The following HOXD11 variants were observed in gnomAD, a reference collection of about 807,000 sequenced individuals.
HOXD11 encodes the protein homeobox protein Hox-D11.
In HOXD11, 16 loss-of-function variants were observed where a neutral mutation model predicts 23.1. That is an observed-to-expected ratio of 0.69 (90% CI 0.47 to 1.05). The LOEUF is 1.05. HOXD11 is among the 50% of genes least tolerant of loss of function. HOXD11 has a pLI of 0.00. For synonymous variants in HOXD11, 262 were observed against 224.4 expected, an observed-to-expected ratio of 1.17 and a Z score of -1.50; for missense variants, 564 against 495.6, an observed-to-expected ratio of 1.14 and a Z score of -1.31.
Position 176,107,961 on chromosome 2 carries a change from A to C in HOXD11, c.606A>C (p.Pro202=), listed in dbSNP as rs2105387657. ...AGCCCCCGCCGCCACCCGCGCCGCC[A>C]CAGCCCGAGGGCGCAGCCGACAAGG... The part of the protein sequence containing the change: ...GPQPPPPPAP[P]QPEGAADKGD... The change falls in exon 1 of 2, where the codon CCA becomes CCC. Residue 202 remains proline, a synonymous_variant. Transcript: ENST00000249504. 1 of 1,401,174 alleles carries C rather than the reference A, an allele frequency of 7.1e-7. No individual in the cohort carries two copies. Among genetic ancestry groups the C allele is most frequent in the Non-Finnish European group, 9.2e-7 (1 of 1,082,790 alleles). The allele number at this position is 1,401,174 out of a possible 1,614,324, so 86.8% of individuals were successfully genotyped here.
chr2:176,112,947 T>G (rs948615671), downstream of HOXD11, among the ~76,000 whole-genome samples: 1 of 152,202 alleles, frequency 6.6e-6, no homozygotes, highest in African/African-American at 2.4e-5. Flanking sequence ...AGAGTGGCCT[T>G]GGATCCTAAG....
chr2:176,108,657 C>CTGTG (rs1264719551), intron 1 of HOXD11: 5 of 263,252 alleles, frequency 1.9e-5, no homozygotes, highest in Non-Finnish European at 2.7e-5. Flanking sequence ...CCGTGCCAGG[C>CTGTG]TCTGTGTGTG....
Position 176,108,020 on chromosome 2 carries a change from G to A in HOXD11, c.665G>A (p.Gly222Asp), listed in dbSNP as rs1188347969. Residue 222 changes from glycine (G) to aspartate (D), a missense_variant, in exon 1 of 2, where the codon GGC becomes GAC. Coordinates refer to ENST00000249504, the MANE Select transcript of HOXD11 (RefSeq NM_021192.3). ...AGGACCGGGGCTGGTGGCGGCGGGG[G>A]CAGTCCCTGCACCAAGGCGACCCCT... The part of the protein sequence containing the change: ...DPRTGAGGGG[G>D]SPCTKATPGS... The A allele has an allele frequency of 1.3e-6, 2 of 1,489,994 alleles. No individual in the cohort carries two copies. Among genetic ancestry groups the A allele is most frequent in the South Asian group, 1.3e-5 (1 of 79,010 alleles). 92.3% of individuals were successfully genotyped at this position (1,489,994 alleles called of 1,614,324 possible).
chr2:176,111,975 G>A (rs1404806878), downstream of HOXD11, among the ~76,000 whole-genome samples: 1 of 152,102 alleles, frequency 6.6e-6, no homozygotes, highest in Non-Finnish European at 1.5e-5. Context: ...ATGGGGGACT[G>A]GGAGAATCGT....
chr2:176,111,840 A>AAAAAAC (rs1689678746), downstream of HOXD11, among the ~76,000 whole-genome samples: 4 of 140,856 alleles, frequency 2.8e-5, no homozygotes, highest in African/African-American at 7.6e-5. Flanking sequence ...AAAAAAAAAA[A>AAAAAAC]AAAAAAAAAC....
In HOXD11 at chr2:176,109,416, C is replaced by A; in HGVS notation, c.*274C>A. ...CCAGTGTGCTGTCGTTCCCCCTCCCCCTCTCCGAGTCCTCGTGGGGACACG... is the reference window on the plus strand; with the variant it reads ...CCAGTGTGCTGTCGTTCCCCCTCCCACTCTCCGAGTCCTCGTGGGGACACG... On this transcript the variant is annotated 3_prime_UTR_variant, in exon 2 of 2. Coordinates refer to ENST00000249504, the MANE Select transcript of HOXD11 (RefSeq NM_021192.3). The A allele has an allele frequency of 2.5e-6, 1 of 399,696 alleles. No homozygotes were observed. Among genetic ancestry groups the A allele is most frequent in the South Asian group, 3.7e-5 (1 of 26,906 alleles). The allele number at this position is 399,696 out of a possible 1,614,324, so 24.8% of individuals were successfully genotyped here.
Position 176,108,703 on chromosome 2 carries a change from G to A in HOXD11, c.782-204G>A. Reference sequence around the variant, plus strand: ...TGTGTGTGTGTGTGTGTGTGTCCGGGCGTGAACACATGTCCACGCCCGCAC... The same window carrying A: ...TGTGTGTGTGTGTGTGTGTGTCCGGACGTGAACACATGTCCACGCCCGCAC... On this transcript the variant is annotated intron_variant, in intron 1 of 1. Coordinates refer to ENST00000249504, the MANE Select transcript of HOXD11 (RefSeq NM_021192.3). The A allele has an allele frequency of 3.1e-5, 18 of 578,046 alleles. No homozygotes were observed. The South Asian group carries it at 3.5e-4, about 11-fold the overall frequency. 35.8% of individuals were successfully genotyped at this position (578,046 alleles called of 1,614,324 possible). A position where few individuals can be genotyped will look rare whatever the true frequency, so the allele number is the denominator to read the frequency against.
chr2:176,107,685 GGCGGCGGCGGCT>G lies in HOXD11; in HGVS notation c.339_350del (p.Ala117_Ala120del). 2.0e-6 allele frequency: 2 copies of G among 995,842 alleles called. No individual in the cohort carries two copies. The highest frequency in any genetic ancestry group is 2.4e-6 in the Non-Finnish European group (2 of 839,546). The allele number at this position is 995,842 out of a possible 1,614,324, so 61.7% of individuals were successfully genotyped here. A position where few individuals can be genotyped will look rare whatever the true frequency, so the allele number is the denominator to read the frequency against. ...GCTACGCTCCCTACTACGCGGCGGC[GGCGGCGGCGGCT>G]GCGGCGGCCGCGGCGGCCGAGGAGG... is the stretch of plus-strand genomic sequence containing the variant. On this transcript the variant is annotated inframe_deletion, in exon 1 of 2. Transcript: ENST00000249504.
downstream of HOXD11, among the ~76,000 whole-genome samples, chr2:176,110,712 T>G (rs1689661465): frequency 6.6e-6 from 1 of 152,172 alleles, no homozygotes; most frequent in South Asian, 2.1e-4. Flanking sequence ...CACACATACA[T>G]GCTCACACAT....
chr2:176,107,563 C>G lies in HOXD11; in HGVS notation c.208C>G (p.Arg70Gly). The change falls in exon 1 of 2, where the codon CGC (arginine) becomes GGC (glycine). Residue 70 changes from arginine (R) to glycine (G), a missense_variant. Coordinates refer to ENST00000249504, the MANE Select transcript of HOXD11 (RefSeq NM_021192.3). ...EVAFRDYGLERAKWPYRGGGG... is the reference protein window; with the variant it reads ...EVAFRDYGLEGAKWPYRGGGG... ...GGCCTTCCGCGACTACGGCCTGGAG[C>G]GCGCCAAGTGGCCGTACCGCGGCGG... 1 of 1,587,018 alleles carries G rather than the reference C, an allele frequency of 6.3e-7. No individual in the cohort carries two copies. Among genetic ancestry groups the G allele is most frequent in the Non-Finnish European group, 8.6e-7 (1 of 1,167,298 alleles).
At position 176,109,533 on chromosome 2, in the gene HOXD11, C is replaced by T. The variant is rs1208628035; in HGVS notation, c.*391C>T. ...TTTAAGAGATCCCTTCCTTCCTCTT[C>T]GGTGAATGCAGGTTATTTAAACTTT... On this transcript the variant is annotated 3_prime_UTR_variant, in exon 2 of 2. Transcript: ENST00000249504. 1 of 262,654 alleles carries T rather than the reference C, an allele frequency of 3.8e-6. No individual in the cohort carries two copies. The highest frequency in any genetic ancestry group is 4.9e-5 in the Admixed American group (1 of 20,448). The allele number at this position is 262,654 out of a possible 1,614,324, so 16.3% of individuals were successfully genotyped here.
chr2:176,110,087 G>A (rs1047732899), downstream of HOXD11, among the ~76,000 whole-genome samples: 40 of 152,292 alleles, frequency 2.6e-4, 1 homozygote, highest in Middle Eastern at 6.8e-3. Context: ...AGAAGTTTTC[G>A]AAAAGGAAGT....
At chr2:176,113,785 C>G (rs184203024), downstream of HOXD11, among the ~76,000 whole-genome samples, 12 of 152,236 alleles carry the variant, frequency 7.9e-5, no homozygotes, top group Non-Finnish European at 1.6e-4. Flanking sequence ...AAAATTATGT[C>G]TGATATACAC....
At chr2:176,108,195 G>GGGGGGGGGGGGGGCCCC in intron 1 of HOXD11, 59 bp downstream of exon 1, 1 of 249,476 alleles carries the variant, frequency 4.0e-6, no homozygotes. Flanking sequence ...GGGGGGGGGG[G>GGGGGGGGGGGGGGCCCC]CGGAGGCCTC....
chr2:176,108,282 C>A (rs904943561), intron 1 of HOXD11, 146 bp downstream of exon 1: 9 of 561,420 alleles, frequency 1.6e-5, no homozygotes, highest in Non-Finnish European at 2.4e-5. Context: ...TTTCCTGGGC[C>A]GTTGTAAAGT....
At chr2:176,111,839 A>AAAAAC (rs1559115522), downstream of HOXD11, among the ~76,000 whole-genome samples, 2 of 148,052 alleles carry the variant, frequency 1.4e-5, no homozygotes, top group African/African-American at 5.0e-5. Flanking sequence ...AAAAAAAAAA[A>AAAAAC]AAAAAAAAAA....
chr2:176,108,864 C>T (rs746946580), intron 1 of HOXD11, 43 bp from the exon 2 acceptor site: 4 of 1,445,662 alleles, frequency 2.8e-6, no homozygotes, highest in Non-Finnish European at 3.9e-6. Context: ...TGGGGGCTGT[C>T]AGGCAGCGGC....
At chr2:176,111,160 C>G (rs1689667092), downstream of HOXD11, among the ~76,000 whole-genome samples, 1 of 152,150 alleles carries the variant, frequency 6.6e-6, no homozygotes, top group African/African-American at 2.4e-5. Context: ...GCAATGGAAA[C>G]AAAGCCTACA....
In HOXD11 at chr2:176,109,162, C is replaced by T. The variant is rs1360869965; in HGVS notation, c.*20C>T. 7 of 1,491,240 alleles carry T rather than the reference C, an allele frequency of 4.7e-6. No homozygotes were observed. The highest frequency in any genetic ancestry group is 6.5e-6 in the Non-Finnish European group (7 of 1,069,056). The allele number at this position is 1,491,240 out of a possible 1,614,324, so 92.4% of individuals were successfully genotyped here. A position where few individuals can be genotyped will look rare whatever the true frequency, so the allele number is the denominator to read the frequency against. ...TTTTGAGAGCTCCAGGAAGCGCCCT[C>T]ACCCCAGCCCCACTCACCCACCCTC... On this transcript the variant is annotated 3_prime_UTR_variant, in exon 2 of 2. Transcript: ENST00000249504.
Sources: allele counts gnomAD v4.1 joint callset (sites outside exome capture counted in the v4.1 genomes callset), GRCh38; gene constraint gnomAD v4.1.1; transcripts MANE v1.5; gene names NCBI Gene and HGNC (gene_info 2026-07-23, HGNC 2026-07-21).